RAB38: variants seen among roughly 807,000 people sequenced by gnomAD.
The protein encoded by RAB38 is ras-related protein Rab-38.
RAB38 carries 15 observed loss-of-function variants against 18.4 expected under a neutral mutation model. The observed-to-expected ratio is 0.82, with a 90% CI of 0.55 to 1.26. RAB38 has a LOEUF of 1.26. Ranked by LOEUF, RAB38 falls within the 50% of genes most tolerant of loss-of-function variation. The pLI is 0.00. For synonymous variants in RAB38, 101 were observed against 104.4 expected (o/e 0.97, Z 0.20); for missense variants, 294 against 267.4 (o/e 1.10, Z -0.69).
chr11:88,034,023 T>A, the RAB38 span, among the ~76,000 whole-genome samples: 2 of 152,130 alleles, frequency 1.3e-5, no homozygotes, highest in African/African-American at 4.8e-5. Context: ...CACCGCGCCC[T>A]GCAGTTGTGT....
chr11:88,052,053 G>A, the RAB38 span, among the ~76,000 whole-genome samples: 1 of 152,198 alleles, frequency 6.6e-6, no homozygotes, highest in Non-Finnish European at 1.5e-5. Context: ...AACCAGGGAG[G>A]TGGAGGTTGC....
the RAB38 span, among the ~76,000 whole-genome samples, chr11:87,853,856 G>T: frequency 3.0e-4 from 45 of 152,226 alleles, no homozygotes; most frequent in African/African-American, 9.6e-4. Flanking sequence ...CATAATCAAG[G>T]TGTTGGCAAG....
intron 1 of RAB38, among the ~76,000 whole-genome samples, chr11:88,151,492 T>G (rs971224860): frequency 6.6e-6 from 1 of 152,206 alleles, no homozygotes; most frequent in African/African-American, 2.4e-5. Context: ...CAGAAGTATG[T>G]GACCAGACAA....
At chr11:87,824,850 C>A in the RAB38 span, among the ~76,000 whole-genome samples, 2 of 152,106 alleles carry the variant, frequency 1.3e-5, no homozygotes, top group Non-Finnish European at 2.9e-5. Flanking sequence ...TCCCAGTAAT[C>A]AAGAACATGT....
At chr11:87,928,127 GA>G in the RAB38 span, among the ~76,000 whole-genome samples, 2 of 151,708 alleles carry the variant, frequency 1.3e-5, no homozygotes, top group East Asian at 3.9e-4. Flanking sequence ...AGAAGGAAGA[GA>G]GAGAAACTAT....
the RAB38 span, among the ~76,000 whole-genome samples, chr11:87,812,398 T>C: frequency 6.6e-6 from 1 of 152,204 alleles, no homozygotes; most frequent in Non-Finnish European, 1.5e-5. Flanking sequence ...GCTCTATAAA[T>C]ATACAAAATT....
downstream of RAB38, among the ~76,000 whole-genome samples, chr11:88,112,106 C>T (rs768589185): frequency 6.6e-5 from 10 of 152,166 alleles, no homozygotes; most frequent in Admixed American, 2.0e-4. Flanking sequence ...ATCTATTATC[C>T]GGCCTTATCG....
the RAB38 span, among the ~76,000 whole-genome samples, chr11:87,842,572 T>C: frequency 6.6e-6 from 1 of 152,204 alleles, no homozygotes; most frequent in Admixed American, 6.5e-5. Context: ...AAATTGTGCT[T>C]ATCCGGAATC....
the RAB38 span, among the ~76,000 whole-genome samples, chr11:87,823,930 T>C: frequency 3.3e-5 from 5 of 152,316 alleles, no homozygotes; most frequent in Admixed American, 1.3e-4. Flanking sequence ...TGTGAAGATA[T>C]GCCAACAAGA....
chr11:87,868,580 A>AGG, the RAB38 span, among the ~76,000 whole-genome samples: 19 of 24,624 alleles, frequency 7.7e-4, no homozygotes, highest in African/African-American at 1.6e-3. Context: ...GGAGTGAGGG[A>AGG]GAGAGAGAGA....
At chr11:87,905,527 T>C in the RAB38 span, among the ~76,000 whole-genome samples, 1 of 151,930 alleles carries the variant, frequency 6.6e-6, no homozygotes, top group Non-Finnish European at 1.5e-5. Flanking sequence ...TTTTTTATAT[T>C]AAGAATTGTT....
At chr11:88,133,623 TA>T (rs1942793557) in intron 2 of RAB38, among the ~76,000 whole-genome samples, 1 of 152,196 alleles carries the variant, frequency 6.6e-6, no homozygotes, top group South Asian at 2.1e-4. Flanking sequence ...AATTATTTAA[TA>T]ACCTTATTTT....
chr11:87,873,340 G>C, the RAB38 span, among the ~76,000 whole-genome samples: 1 of 151,434 alleles, frequency 6.6e-6, no homozygotes, highest in African/African-American at 2.4e-5. Flanking sequence ...GCATATTTTG[G>C]ATAACAGTCC....
chr11:87,953,801 T>G, the RAB38 span, among the ~76,000 whole-genome samples: 1 of 152,048 alleles, frequency 6.6e-6, no homozygotes, highest in Non-Finnish European at 1.5e-5. Context: ...ATACTGTATG[T>G]TTCTCTTTAA....
the RAB38 span, among the ~76,000 whole-genome samples, chr11:88,079,437 A>G: frequency 1.3e-5 from 2 of 151,802 alleles, no homozygotes; most frequent in African/African-American, 4.8e-5. Flanking sequence ...AAATCTACCC[A>G]TAAGGAACTC....
chr11:88,152,853 CT>C (rs1943080328), intron 1 of RAB38, among the ~76,000 whole-genome samples: 1 of 152,338 alleles, frequency 6.6e-6, no homozygotes, highest in Admixed American at 6.5e-5. Context: ...AAGCTCTATA[CT>C]TTGTGCTGGA....
the RAB38 span, among the ~76,000 whole-genome samples, chr11:88,025,578 G>C: frequency 3.3e-5 from 5 of 152,108 alleles, no homozygotes; most frequent in Non-Finnish European, 7.4e-5. Context: ...ATTCTGACTG[G>C]TGTGAGATGC....
At chr11:87,945,437 A>T in the RAB38 span, among the ~76,000 whole-genome samples, 9 of 152,168 alleles carry the variant, frequency 5.9e-5, no homozygotes, top group Non-Finnish European at 1.2e-4. Flanking sequence ...GCAATTTAAC[A>T]AATTGGAGCT....
At chr11:87,936,067 C>T in the RAB38 span, among the ~76,000 whole-genome samples, 1 of 152,138 alleles carries the variant, frequency 6.6e-6, no homozygotes, top group East Asian at 1.9e-4. Flanking sequence ...TTGTAGGTTG[C>T]AAATATATTT....
Sources: allele counts gnomAD v4.1 joint callset (sites outside exome capture counted in the v4.1 genomes callset), GRCh38; gene constraint gnomAD v4.1.1; transcripts MANE v1.5; gene names NCBI Gene and HGNC (gene_info 2026-07-23, HGNC 2026-07-21).